PRDM11: variants seen among roughly 807,000 people sequenced by gnomAD.
The protein encoded by PRDM11 is PR domain-containing protein 11.
A neutral mutation model predicts 97.8 loss-of-function variants in PRDM11; 20 were observed. That is an observed-to-expected ratio of 0.20 (90% CI 0.14 to 0.30). The LOEUF is 0.30. Among genes scored for constraint, PRDM11 ranks in the 10% least tolerant of loss-of-function variants. The pLI, the probability that PRDM11 is intolerant of heterozygous loss-of-function variation, is 1.00. For synonymous variants in PRDM11, 599 were observed against 637.7 expected, an observed-to-expected ratio of 0.94 and a Z score of 0.91; for missense variants, 1,139 against 1,555.2, an observed-to-expected ratio of 0.73 and a Z score of 4.50.
chr11:45,175,830 C>T (rs1852314553), intron 1 of PRDM11, among the ~76,000 whole-genome samples: 1 of 152,198 alleles, frequency 6.6e-6, no homozygotes, highest in Admixed American at 6.5e-5. Context: ...CTCTGAATAA[C>T]ATCAAGATTT....
At chr11:45,189,778 G>C (rs184053284) in intron 4 of PRDM11, among the ~76,000 whole-genome samples, 8 of 152,336 alleles carry the variant, frequency 5.3e-5, no homozygotes, top group Non-Finnish European at 1.5e-5. Flanking sequence ...TGAGTGCTTA[G>C]CTAGATGAAA....
intron 1 of PRDM11, among the ~76,000 whole-genome samples, chr11:45,113,356 C>T (rs1244492012): frequency 6.6e-6 from 1 of 152,148 alleles, no homozygotes; most frequent in Admixed American, 6.6e-5. Context: ...TAACTATAGC[C>T]TTATAATATA....
At chr11:45,198,121 T>C (rs769047014) in intron 4 of PRDM11, among the ~76,000 whole-genome samples, 3 of 152,250 alleles carry the variant, frequency 2.0e-5, no homozygotes, top group Non-Finnish European at 2.9e-5. Flanking sequence ...TTGAGCTTTT[T>C]TGAATCACCT....
intron 3 of PRDM11, 51 bp downstream of exon 3, chr11:45,182,400 C>T (rs917043495): frequency 6.6e-7 from 1 of 1,507,110 alleles, no homozygotes; most frequent in East Asian, 2.3e-5. Flanking sequence ...CCCCATCGCC[C>T]CATTCCTGGC....
chr11:45,127,997 C>T (rs12294958), intron 1 of PRDM11, among the ~76,000 whole-genome samples: 5,984 of 152,362 alleles, frequency 0.039, 413 homozygotes, highest in African/African-American at 0.14. Context: ...GTGGGCTCCA[C>T]CCACTTCGAG....
At position 45,119,671 on chromosome 11, in the gene PRDM11, G is replaced by T. The variant is rs1002538185; in HGVS notation, c.96+23770G>T. 8.2e-5 allele frequency among the ~76,000 whole-genome samples: 12 copies of T among 145,812 alleles called. No individual in the cohort carries two copies. In the Middle Eastern group the frequency reaches 0.011, roughly 134 times the overall value. ...AAAACACCTGGTAAGGCCATACCAG[G>T]AAGAATAGGCAGGTACCAGTGGCGG... On this transcript the variant is annotated intron_variant, in intron 1 of 6. Transcript: ENST00000530656.
intron 1 of PRDM11, among the ~76,000 whole-genome samples, chr11:45,174,209 G>A (rs1852273631): frequency 6.6e-6 from 1 of 152,172 alleles, no homozygotes; most frequent in Admixed American, 6.5e-5. Context: ...ATAGCATGTA[G>A]TTGTAGTTTG....
intron 4 of PRDM11, among the ~76,000 whole-genome samples, chr11:45,195,667 A>G (rs7125368): frequency 0.31 from 47,553 of 151,586 alleles, 8,442 homozygotes; most frequent in African/African-American, 0.47. Context: ...TCTGTCTCCC[A>G]GGTTCAAGTG....
At chr11:45,133,164 A>G (rs1852757265) in intron 1 of PRDM11, among the ~76,000 whole-genome samples, 1 of 152,242 alleles carries the variant, frequency 6.6e-6, no homozygotes, top group Non-Finnish European at 1.5e-5. Flanking sequence ...TCATCCAAAT[A>G]GCTCAAAAAG....
intron 1 of PRDM11, among the ~76,000 whole-genome samples, chr11:45,122,782 A>G (rs545044794): frequency 7.0e-4 from 106 of 152,238 alleles, no homozygotes; most frequent in African/African-American, 2.5e-3. Flanking sequence ...TGCTATTGTG[A>G]ATAGTGCCAC....
At chr11:45,204,954 G>A (rs1853454750) in intron 5 of PRDM11, among the ~76,000 whole-genome samples, 176 bp downstream of exon 5, 1 of 152,158 alleles carries the variant, frequency 6.6e-6, no homozygotes, top group African/African-American at 2.4e-5. Context: ...CCTCCATCAG[G>A]GGGCTCTAGA....
chr11:45,224,078 C>G, intron 6 of PRDM11, 139 bp from the exon 7 acceptor site: 1 of 987,300 alleles, frequency 1.0e-6, no homozygotes, highest in Non-Finnish European at 1.5e-6. Flanking sequence ...TCGTATCTCC[C>G]CTTTGCAACA....
chr11:45,113,745 A>G (rs1007633815), intron 1 of PRDM11, among the ~76,000 whole-genome samples: 4 of 149,296 alleles, frequency 2.7e-5, no homozygotes, highest in African/African-American at 7.4e-5. Flanking sequence ...TTCATGATTG[A>G]ATTTCAGCTT....
intron 1 of PRDM11, among the ~76,000 whole-genome samples, chr11:45,106,796 C>A (rs751141950): frequency 6.6e-6 from 1 of 152,138 alleles, no homozygotes; most frequent in South Asian, 2.1e-4. Flanking sequence ...GGCAGAAATG[C>A]GTGGCATTTT....
intron 1 of PRDM11, among the ~76,000 whole-genome samples, chr11:45,172,503 C>T (rs1460116265): frequency 6.6e-6 from 1 of 152,162 alleles, no homozygotes; most frequent in Non-Finnish European, 1.5e-5. Flanking sequence ...ACCAAAGACA[C>T]TCCTATAACC....
intron 4 of PRDM11, among the ~76,000 whole-genome samples, chr11:45,194,694 G>T (rs1298237256): frequency 3.6e-5 from 5 of 140,808 alleles, no homozygotes; most frequent in Non-Finnish European, 6.1e-5. Flanking sequence ...CGCCTCCCGG[G>T]TTCACGCCAT....
At chr11:45,129,087 A>G (rs12787952) in intron 1 of PRDM11, among the ~76,000 whole-genome samples, 52 of 152,356 alleles carry the variant, frequency 3.4e-4, no homozygotes, top group African/African-American at 1.2e-3. Context: ...AGATATAGAA[A>G]CATTATTTGA....
At chr11:45,178,677 G>T (rs183347067) in intron 1 of PRDM11, among the ~76,000 whole-genome samples, 66 of 152,358 alleles carry the variant, frequency 4.3e-4, no homozygotes, top group African/African-American at 1.5e-3. Context: ...AATATGCTGT[G>T]TGCTGGGCAA....
At chr11:45,103,687 G>C (rs1368532004) in intron 1 of PRDM11, among the ~76,000 whole-genome samples, 1 of 148,892 alleles carries the variant, frequency 6.7e-6, no homozygotes, top group Non-Finnish European at 1.5e-5. Context: ...CAAAGTTTGT[G>C]TACTTTACTG....
Sources: gnomAD v4.1 joint callset for allele counts (sites outside exome capture counted in the v4.1 genomes callset) on GRCh38, gnomAD v4.1.1 for gene constraint, MANE v1.5 for transcripts, NCBI Gene and HGNC (gene_info 2026-07-23, HGNC 2026-07-21) for gene names.